The following RBFOX3 variants were observed in gnomAD, a reference collection of about 807,000 sequenced individuals.
The protein encoded by RBFOX3 is RNA binding fox-1 homolog 3.
Under a neutral mutation model 48.7 loss-of-function variants are expected in RBFOX3, and 17 were observed. The observed-to-expected ratio is 0.35, with a 90% CI of 0.24 to 0.52. RBFOX3 has a LOEUF of 0.52. Ranked by LOEUF, RBFOX3 falls within the 20% of genes least tolerant of loss-of-function variation. The pLI is 0.94. For missense variants in RBFOX3, 382 were observed against 497.5 expected (o/e 0.77, Z 2.21); for synonymous variants, 212 against 209.5 (o/e 1.01, Z -0.10).
intron 4 of RBFOX3, among the ~76,000 whole-genome samples, chr17:79,177,206 C>T (rs1000535355): frequency 2.8e-5 from 4 of 141,348 alleles, no homozygotes; most frequent in Admixed American, 2.7e-4. Context: ...TGGCCTCCTC[C>T]TCTCCCCCCC....
chr17:79,555,584 T>G (rs2091645610), intron 1 of RBFOX3, among the ~76,000 whole-genome samples: 1 of 152,056 alleles, frequency 6.6e-6, no homozygotes, highest in African/African-American at 2.4e-5. Flanking sequence ...GTGATGATGA[T>G]GATGACAATG....
the RBFOX3 span, among the ~76,000 whole-genome samples, chr17:79,643,478 A>AAATACTC: frequency 0.01 from 1,535 of 152,346 alleles, 23 homozygotes; most frequent in African/African-American, 0.035. Context: ...AACAACTGCC[A>AAATACTC]AATACTCATT....
chr17:79,592,097 ATG>A lies in RBFOX3; in HGVS notation c.-320+18727_-320+18728del, dbSNP rs1375477066. Among the ~76,000 whole-genome samples, 400 of 146,070 alleles carry A rather than the reference ATG, an allele frequency of 2.7e-3. 1 individual carries two copies. Among genetic ancestry groups the A allele is most frequent in the African/African-American group, 9.0e-3 (350 of 39,090 alleles). On this transcript the variant is annotated intron_variant, in intron 1 of 14. Coordinates refer to ENST00000693108, the MANE Select transcript of RBFOX3 (RefSeq NM_001350451.2). Reference sequence around the variant, plus strand: ...GTATTTTGTGTGCACATATGCATGCATGTGTGTGTGTGTAGTGTGTGTGGAAT... The same window carrying A: ...GTATTTTGTGTGCACATATGCATGCATGTGTGTGTGTAGTGTGTGTGGAAT...
intron 2 of RBFOX3, among the ~76,000 whole-genome samples, chr17:79,469,537 T>A (rs2149361765): frequency 6.6e-6 from 1 of 152,306 alleles, no homozygotes; most frequent in African/African-American, 2.4e-5. Context: ...GGTAAGCAGC[T>A]GACCACCTGC....
intron 2 of RBFOX3, among the ~76,000 whole-genome samples, chr17:79,343,531 A>T (rs1416476758): frequency 6.6e-6 from 1 of 152,102 alleles, no homozygotes; most frequent in East Asian, 1.9e-4. Flanking sequence ...GAAAAAACAA[A>T]CAAACAAACA....
chr17:79,509,243 G>C (rs1265697368), intron 1 of RBFOX3, among the ~76,000 whole-genome samples: 1 of 152,200 alleles, frequency 6.6e-6, no homozygotes, highest in Admixed American at 6.5e-5. Flanking sequence ...CGGCCTGGTC[G>C]ATAGGAGCGC....
At chr17:79,382,181 C>A (rs2060007344) in intron 2 of RBFOX3, among the ~76,000 whole-genome samples, 1 of 152,192 alleles carries the variant, frequency 6.6e-6, no homozygotes, top group Admixed American at 6.5e-5. Context: ...GGCTCTTGTG[C>A]CACCACCCAA....
intron 4 of RBFOX3, among the ~76,000 whole-genome samples, chr17:79,228,132 T>C (rs2060545193): frequency 6.6e-6 from 1 of 152,126 alleles, no homozygotes. Flanking sequence ...TGCTTACAGG[T>C]CTCTCTCGTC....
At chr17:79,643,129 C>A in the RBFOX3 span, among the ~76,000 whole-genome samples, 1 of 151,956 alleles carries the variant, frequency 6.6e-6, no homozygotes, top group Admixed American at 6.6e-5. Context: ...AAAAATGATA[C>A]CATGCTAACA....
chr17:79,180,168 C>T (rs868749956), intron 4 of RBFOX3, among the ~76,000 whole-genome samples: 2 of 152,304 alleles, frequency 1.3e-5, no homozygotes, highest in Middle Eastern at 3.4e-3. Flanking sequence ...GGACCAACAA[C>T]AAGTGCCTCT....
chr17:79,304,004 T>C (rs1018307030), intron 3 of RBFOX3, among the ~76,000 whole-genome samples: 1 of 152,200 alleles, frequency 6.6e-6, no homozygotes, highest in Non-Finnish European at 1.5e-5. Flanking sequence ...TTACCCATTA[T>C]AGGAAGTTAA....
At chr17:79,263,142 G>C (rs990230371) in intron 3 of RBFOX3, among the ~76,000 whole-genome samples, 1 of 152,172 alleles carries the variant, frequency 6.6e-6, no homozygotes, top group Non-Finnish European at 1.5e-5. Flanking sequence ...AAGCCACCCT[G>C]ACCCAAGTGG....
chr17:79,659,390 G>A, the RBFOX3 span, among the ~76,000 whole-genome samples: 11 of 152,286 alleles, frequency 7.2e-5, no homozygotes, highest in African/African-American at 2.4e-4. Flanking sequence ...TTGCTTTAAG[G>A]GGGTGACTTG....
At chr17:79,490,026 T>C (rs1308529369) in intron 1 of RBFOX3, among the ~76,000 whole-genome samples, 1 of 152,204 alleles carries the variant, frequency 6.6e-6, no homozygotes, top group Non-Finnish European at 1.5e-5. Context: ...GAATATACAA[T>C]ATTCAGAATA....
chr17:79,224,547 G>A (rs1424680374), intron 4 of RBFOX3, among the ~76,000 whole-genome samples: 3 of 152,170 alleles, frequency 2.0e-5, no homozygotes, highest in Non-Finnish European at 4.4e-5. Flanking sequence ...GGAACTCCAG[G>A]GTGAAACTAA....
At chr17:79,351,193 G>A (rs1469464293) in intron 2 of RBFOX3, among the ~76,000 whole-genome samples, 4 of 152,130 alleles carry the variant, frequency 2.6e-5, no homozygotes, top group Non-Finnish European at 5.9e-5. Flanking sequence ...CTACGCTTTG[G>A]CTGCTGTGAA....
intron 1 of RBFOX3, among the ~76,000 whole-genome samples, chr17:79,559,018 C>T (rs1034672605): frequency 6.6e-6 from 1 of 152,244 alleles, no homozygotes; most frequent in Admixed American, 6.5e-5. Flanking sequence ...TGAGAGTCCC[C>T]ACCAGGAGAC....
chr17:79,624,128 A>T, the RBFOX3 span, among the ~76,000 whole-genome samples: 2 of 152,190 alleles, frequency 1.3e-5, no homozygotes, highest in Non-Finnish European at 2.9e-5. Flanking sequence ...TCTGTGTTTT[A>T]AGCCACTAGG....
the RBFOX3 span, among the ~76,000 whole-genome samples, chr17:79,620,184 T>G: frequency 1.8e-5 from 2 of 111,624 alleles, no homozygotes; most frequent in East Asian, 9.7e-4. Flanking sequence ...TGCACACACA[T>G]GTGCACATGC....
Sources: allele counts gnomAD v4.1 joint callset (sites outside exome capture counted in the v4.1 genomes callset), GRCh38; gene constraint gnomAD v4.1.1; transcripts MANE v1.5; gene names NCBI Gene and HGNC (gene_info 2026-07-23, HGNC 2026-07-21).